EDEM1: variants seen among roughly 807,000 people sequenced by gnomAD.
EDEM1 encodes the protein ER degradation enhancing alpha-mannosidase like protein 1.
Under a neutral mutation model 74.4 loss-of-function variants are expected in EDEM1, and 67 were observed. The observed-to-expected ratio is 0.90, with a 90% CI of 0.74 to 1.10. EDEM1 has a LOEUF of 1.10. EDEM1 is among the 50% of genes least tolerant of loss of function. The pLI is 0.00. For missense variants in EDEM1, 926 were observed against 851.6 expected, an observed-to-expected ratio of 1.09 and a Z score of -1.09; for synonymous variants, 382 against 335.9, an observed-to-expected ratio of 1.14 and a Z score of -1.50.
chr3:5,213,322 T>G lies in EDEM1; in HGVS notation c.1684T>G (p.Phe562Val). Residue 562 changes from phenylalanine (F) to valine (V), a missense_variant, in exon 11 of 12, where the codon TTT becomes GTT. By Grantham distance (50) the Phe-to-Val change is conservative. Coordinates refer to ENST00000256497, the MANE Select transcript of EDEM1 (RefSeq NM_014674.3). ...SETCKYLYLLFDEDNPVHKSG... is the reference protein window; with the variant it reads ...SETCKYLYLLVDEDNPVHKSG... ...TCTTTTTCTCCGTTCCCTCTAGCTGTTTGATGAAGACAATCCAGTACACAA... is the reference window on the plus strand; with the variant it reads ...TCTTTTTCTCCGTTCCCTCTAGCTGGTTGATGAAGACAATCCAGTACACAA... The G allele has an allele frequency of 6.2e-7, 1 of 1,612,924 alleles. No homozygotes were observed. Among genetic ancestry groups the G allele is most frequent in the Non-Finnish European group, 8.5e-7 (1 of 1,179,384 alleles).
chr3:5,193,577 G>A (rs918601971), intron 1 of EDEM1, among the ~76,000 whole-genome samples: 7 of 151,118 alleles, frequency 4.6e-5, no homozygotes, highest in Admixed American at 2.0e-4. Flanking sequence ...TATATATCTC[G>A]TTTCAAAAAA....
chr3:5,205,307 T>C (rs1369030144), intron 6 of EDEM1, 66 bp downstream of exon 6: 1 of 1,499,982 alleles, frequency 6.7e-7, no homozygotes, highest in Non-Finnish European at 9.0e-7. Flanking sequence ...GAAGCGTTTG[T>C]ATTTTTTTTA....
At chr3:5,206,230 C>G (rs1322331438) in intron 6 of EDEM1, among the ~76,000 whole-genome samples, 1 of 142,082 alleles carries the variant, frequency 7.0e-6, no homozygotes, top group Non-Finnish European at 1.5e-5. Context: ...TTTTTTGAGT[C>G]AGAGTCTTGC....
At chr3:5,189,128 G>A (rs1043592055) in intron 1 of EDEM1, among the ~76,000 whole-genome samples, 1 of 152,166 alleles carries the variant, frequency 6.6e-6, no homozygotes, top group Non-Finnish European at 1.5e-5. Context: ...AAGTCCAAGA[G>A]GGCAGTACAC....
chr3:5,188,327 C>T lies in EDEM1; in HGVS notation c.509+13C>T, dbSNP rs754265843. On this transcript the variant is annotated intron_variant, in intron 1 of 11. Coordinates refer to ENST00000256497, the MANE Select transcript of EDEM1 (RefSeq NM_014674.3). Reference sequence around the variant, plus strand: ...ACCGCGGGGACCCGTGAGTAGCCCCCGCCGCCCGGGGCCGCGCGCCCACGC... The same window carrying T: ...ACCGCGGGGACCCGTGAGTAGCCCCTGCCGCCCGGGGCCGCGCGCCCACGC... The T allele has an allele frequency of 9.7e-6, 14 of 1,446,964 alleles. No individual in the cohort carries two copies. The highest frequency in any genetic ancestry group is 7.2e-5 in the South Asian group (5 of 69,664). 89.6% of individuals were successfully genotyped at this position (1,446,964 alleles called of 1,614,324 possible).
At chr3:5,193,744 C>A (rs1315246994) in intron 1 of EDEM1, among the ~76,000 whole-genome samples, 1 of 152,050 alleles carries the variant, frequency 6.6e-6, no homozygotes, top group Non-Finnish European at 1.5e-5. Context: ...ATTACAGGCG[C>A]CTGCCACCAC....
chr3:5,187,911 C>A lies in EDEM1; in HGVS notation c.106C>A (p.Arg36Ser). Residue 36 changes from arginine (R) to serine (S), a missense_variant, in exon 1 of 12, where the codon CGC (arginine) becomes AGC (serine). Arg to Ser is a moderately radical substitution (Grantham distance 110, BLOSUM62 -1). Transcript: ENST00000256497. ...GLGPSMGFYQ[R>S]FPLSFGFQRL... ...GGGGCCCAGCATGGGCTTCTACCAG[C>A]GCTTTCCGCTCAGCTTCGGCTTCCA... 6.3e-7 allele frequency: 1 copy of A among 1,597,726 alleles called. No individual in the cohort carries two copies. Among genetic ancestry groups the A allele is most frequent in the Non-Finnish European group, 8.5e-7 (1 of 1,174,496 alleles).
In EDEM1 at chr3:5,213,464, GA is replaced by G; in HGVS notation, c.1829del (p.Lys610SerfsTer11). ...GAAGAGGGAGGGCAGGACCAAGGGGGAAAGTCTGTGCACAGGCCGAAACCTC... is the reference window on the plus strand; with the variant it reads ...GAAGAGGGAGGGCAGGACCAAGGGGGAAGTCTGTGCACAGGCCGAAACCTC... Reference protein sequence around the residue: ...FSEEGGQDQGGKSVHRPKPHE... With the variant: ...FSEEGGQDQGXKSVHRPKPHE... On this transcript the variant is annotated frameshift_variant, in exon 11 of 12. Transcript: ENST00000256497. LOFTEE classifies it high-confidence loss of function. The G allele has an allele frequency of 6.2e-7, 1 of 1,614,062 alleles. No homozygotes were observed. The highest frequency in any genetic ancestry group is 1.3e-5 in the African/African-American group (1 of 75,044).
At chr3:5,208,770 T>TATACAC (rs1553592914) in intron 8 of EDEM1, among the ~76,000 whole-genome samples, 1 of 148,322 alleles carries the variant, frequency 6.7e-6, no homozygotes, top group African/African-American at 2.5e-5. Flanking sequence ...TATATATATA[T>TATACAC]ACACACACAC....
chr3:5,207,187 C>T lies in EDEM1; in HGVS notation c.1252C>T (p.Pro418Ser). 6.2e-7 allele frequency: 1 copy of T among 1,614,184 alleles called. No individual in the cohort carries two copies. Among genetic ancestry groups the T allele is most frequent in the Non-Finnish European group, 8.5e-7 (1 of 1,180,030 alleles). Reference sequence around the variant, plus strand: ...CTGCAATGAAGGAGAAGGAGACCCTCCACTCTATGTCAACGTGAACATGTT... The same window carrying T: ...CTGCAATGAAGGAGAAGGAGACCCTTCACTCTATGTCAACGTGAACATGTT... ...EACNEGEGDP[P>S]LYVNVNMFSG... Residue 418 changes from proline to serine, a missense_variant, in exon 7 of 12, where the codon CCA becomes TCA. Physicochemically the swap from Pro to Ser is moderately conservative, Grantham distance 74. Transcript: ENST00000256497.
chr3:5,207,079 A>C, intron 6 of EDEM1, 74 bp from the exon 7 acceptor site: 1 of 1,570,088 alleles, frequency 6.4e-7, no homozygotes, highest in Non-Finnish European at 8.6e-7. Flanking sequence ...TGAAACTACC[A>C]GCAGCTGCTG....
At position 5,203,221 on chromosome 3, in the gene EDEM1, C is replaced by T. The variant is rs957120779; in HGVS notation, c.1042+72C>T. On this transcript the variant is annotated intron_variant, in intron 5 of 11. Transcript: ENST00000256497. ...CTTTTCCTTTCATCTTCTCTGGGCT[C>T]TGCCCCCTTTTTACTCTTCAACTCA... 6.3e-6 allele frequency: 9 copies of T among 1,421,770 alleles called. No individual in the cohort carries two copies. In the Admixed American group the frequency reaches 1.8e-4, roughly 29 times the overall value. 88.1% of individuals were successfully genotyped at this position (1,421,770 alleles called of 1,614,324 possible). A position where few individuals can be genotyped will look rare whatever the true frequency, so the allele number is the denominator to read the frequency against.
At position 5,187,866 on chromosome 3, in the gene EDEM1, T is replaced by C. The variant is rs1291116835; in HGVS notation, c.61T>C (p.Leu21=). The change falls in exon 1 of 12, where the codon TTG becomes CTG. Residue 21 remains leucine, a synonymous_variant. Coordinates refer to ENST00000256497, the MANE Select transcript of EDEM1 (RefSeq NM_014674.3). The part of the protein sequence containing the change: ...VLLRLGLHGV[L]WLVFGLGPSM... ...CCTCCGGCTTGGCCTCCATGGAGTA[T>C]TGTGGCTCGTCTTCGGGCTGGGGCC... is the stretch of plus-strand genomic sequence containing the variant. 1.9e-6 allele frequency: 3 copies of C among 1,599,072 alleles called. No homozygotes were observed. Among genetic ancestry groups the C allele is most frequent in the East Asian group, 2.3e-5 (1 of 43,442 alleles).
intron 9 of EDEM1, 82 bp from the exon 10 acceptor site, chr3:5,211,038 A>T: frequency 8.0e-7 from 1 of 1,251,398 alleles, no homozygotes; most frequent in African/African-American, 1.5e-5. Flanking sequence ...GATTATTCTG[A>T]TAAGAGAATG....
intron 1 of EDEM1, among the ~76,000 whole-genome samples, chr3:5,188,823 C>G (rs1451854457): frequency 2.0e-5 from 3 of 152,204 alleles, no homozygotes; most frequent in African/African-American, 7.2e-5. Flanking sequence ...CCAAAGCCGT[C>G]CATTGAGTTT....
At position 5,196,325 on chromosome 3, in the gene EDEM1, C is replaced by G. The variant is rs1265599509; in HGVS notation, c.582+1044C>G. Among the ~76,000 whole-genome samples the G allele has an allele frequency of 2.0e-5, 3 of 152,060 alleles. No individual in the cohort carries two copies. The East Asian group carries it at 5.8e-4, about 29-fold the overall frequency. On this transcript the variant is annotated intron_variant, in intron 2 of 11. Coordinates refer to ENST00000256497, the MANE Select transcript of EDEM1 (RefSeq NM_014674.3). Reference sequence around the variant, plus strand: ...TACAAAAATTAGCTGGGCATGGTGGCGGGCGCCTGTGGTCCCAGCTCTTCA... The same window carrying G: ...TACAAAAATTAGCTGGGCATGGTGGGGGGCGCCTGTGGTCCCAGCTCTTCA...
At chr3:5,197,614 T>C (rs1357463823) in intron 2 of EDEM1, among the ~76,000 whole-genome samples, 1 of 152,240 alleles carries the variant, frequency 6.6e-6, no homozygotes, top group Non-Finnish European at 1.5e-5. Flanking sequence ...GTGGTTTTCA[T>C]TGTAGAATAT....
In EDEM1 at chr3:5,213,338, C is replaced by T. The variant is rs1276430286; in HGVS notation, c.1700C>T (p.Pro567Leu). ...CTCTAGCTGTTTGATGAAGACAATC[C>T]AGTACACAAGTCTGGAACCAGATAC... ...YLYLLFDEDNPVHKSGTRYMF... is the reference protein window; with the variant it reads ...YLYLLFDEDNLVHKSGTRYMF... The change falls in exon 11 of 12, where the codon CCA becomes CTA. Residue 567 changes from proline (P) to leucine (L), a missense_variant. Physicochemically the swap from Pro to Leu is moderately conservative, Grantham distance 98. Coordinates refer to ENST00000256497, the MANE Select transcript of EDEM1 (RefSeq NM_014674.3). 7 of 1,613,578 alleles carry T rather than the reference C, an allele frequency of 4.3e-6. No individual in the cohort carries two copies. The highest frequency in any genetic ancestry group is 1.1e-5 in the South Asian group (1 of 90,972).
At chr3:5,195,567 C>A (rs868312067) in intron 2 of EDEM1, among the ~76,000 whole-genome samples, 155 of 152,082 alleles carry the variant, frequency 1.0e-3, no homozygotes, top group African/African-American at 3.6e-3. Flanking sequence ...CCTAAAAGAA[C>A]CCATAATGAA....
Sources: allele counts gnomAD v4.1 joint callset (sites outside exome capture counted in the v4.1 genomes callset), GRCh38; gene constraint gnomAD v4.1.1; transcripts MANE v1.5; gene names NCBI Gene and HGNC (gene_info 2026-07-23, HGNC 2026-07-21).